Variants in STARD8 observed in about 807,000 individuals in gnomAD.
STARD8 encodes stAR-related lipid transfer protein 8.
In STARD8, 25 loss-of-function variants were observed where a neutral mutation model predicts 69.4. That is an observed-to-expected ratio of 0.36 (90% CI 0.26 to 0.50). The LOEUF is 0.50. STARD8 is among the 20% of genes least tolerant of loss of function. The pLI is 0.96. For synonymous variants in STARD8, 389 were observed against 374.6 expected, an observed-to-expected ratio of 1.04 and a Z score of -0.45; for missense variants, 921 against 932.5, an observed-to-expected ratio of 0.99 and a Z score of 0.16.
intron 3 of STARD8, among the ~76,000 whole-genome samples, chrX:68,714,442 A>T (rs767838351): frequency 1.8e-5 from 2 of 111,444 alleles, no homozygotes; most frequent in East Asian, 5.7e-4. Flanking sequence ...ATCTTTCAGG[A>T]CTCAGCTCGG....
chrX:68,681,112 AC>A (rs1211018974), intron 2 of STARD8, among the ~76,000 whole-genome samples: 21 of 111,434 alleles, frequency 1.9e-4, no homozygotes, highest in African/African-American at 6.2e-4. Flanking sequence ...CCATCCAGCA[AC>A]CCTTCTAAGA....
chrX:68,681,422 A>C (rs1027837886), intron 2 of STARD8, among the ~76,000 whole-genome samples: 2 of 112,417 alleles, frequency 1.8e-5, no homozygotes, highest in African/African-American at 6.5e-5. Context: ...TTACTTGCCA[A>C]AGGTTACACA....
intron 1 of STARD8, among the ~76,000 whole-genome samples, chrX:68,659,122 C>G (rs1315888659): frequency 8.9e-6 from 1 of 112,067 alleles, no homozygotes; most frequent in Non-Finnish European, 1.9e-5. Context: ...GTTTCCTTAC[C>G]TACAACATGA....
intron 3 of STARD8, among the ~76,000 whole-genome samples, chrX:68,714,740 G>C (rs1015396482): frequency 8.9e-6 from 1 of 112,208 alleles, no homozygotes; most frequent in Non-Finnish European, 1.9e-5. Flanking sequence ...GGAACAAATG[G>C]GCTTGCTTCA....
chrX:68,720,552 C>CAGAG, intron 8 of STARD8, 129 bp downstream of exon 8: 2 of 829,288 alleles, frequency 2.4e-6, no homozygotes, highest in Non-Finnish European at 3.3e-6. Flanking sequence ...GCTGGTCCAC[C>CAGAG]AGAGGCCTTT....
chrX:68,672,306 A>G (rs1262612085), intron 2 of STARD8, among the ~76,000 whole-genome samples: 2 of 111,957 alleles, frequency 1.8e-5, no homozygotes, highest in Admixed American at 1.9e-4. Context: ...TAGCTCATAC[A>G]GTCCAATGTT....
intron 2 of STARD8, among the ~76,000 whole-genome samples, chrX:68,677,837 A>ACCC (rs2079775640): frequency 2.8e-5 from 1 of 36,215 alleles, no homozygotes; most frequent in Non-Finnish European, 5.1e-5. Context: ...CATGCCCCCC[A>ACCC]CCCACCCCCC....
chrX:68,652,799 A>C (rs1602533370), intron 1 of STARD8, among the ~76,000 whole-genome samples: 1 of 51,520 alleles, frequency 1.9e-5, no homozygotes, highest in East Asian at 6.3e-4. Context: ...CACACACACC[A>C]CACACCACAC....
chrX:68,716,395 C>T lies in STARD8; in HGVS notation c.261C>T (p.Ala87=), dbSNP rs1455665093. Residue 87 remains alanine, a synonymous_variant, in exon 5 of 15, where the codon GCC becomes GCT. Transcript: ENST00000374599. The stretch of plus-strand genomic sequence containing the variant: ...GGCTGATGACCTTGAATAATTGTGC[C>T]TCGATGAAACTGGAGGTTCATTTTC... ...CRRLMTLNNC[A]SMKLEVHFQS... The T allele has an allele frequency of 8.3e-7, 1 of 1,208,681 alleles. No homozygotes were observed. Among genetic ancestry groups the T allele is most frequent in the Non-Finnish European group, 1.1e-6 (1 of 894,812 alleles).
chrX:68,661,865 CTTCT>C (rs1486020747), intron 1 of STARD8, among the ~76,000 whole-genome samples: 3 of 102,069 alleles, frequency 2.9e-5, no homozygotes, highest in African/African-American at 1.1e-4. Flanking sequence ...TTTGTTTTTC[CTTCT>C]TTCTTTCTTT....
intron 9 of STARD8, 85 bp downstream of exon 9, chrX:68,721,207 C>T: frequency 1.9e-6 from 2 of 1,061,672 alleles, no homozygotes; most frequent in East Asian, 3.0e-5. Flanking sequence ...AAACCTGGTG[C>T]AGGCAAATGT....
chrX:68,716,470 G>A, intron 5 of STARD8, 39 bp downstream of exon 5: 2 of 1,180,732 alleles, frequency 1.7e-6, no homozygotes, highest in Non-Finnish European at 2.3e-6. Flanking sequence ...GTCTTGTGGT[G>A]CCATAAGGAA....
chrX:68,665,456 G>T, intron 1 of STARD8, 43 bp from the exon 2 acceptor site: 2 of 1,186,330 alleles, frequency 1.7e-6, no homozygotes, highest in Non-Finnish European at 2.3e-6. Context: ...TTCAGATATT[G>T]CATCTCTGCA....
rs1190687827 is a variant in STARD8 at position 68,716,562 on chromosome X, A to C, written c.297+131A>C. ...GATGTCCAGAGCAGTGCCTTTCCCC[A>C]GCTAGGGGTAGAGATGGAGGAGATC... On this transcript the variant is annotated intron_variant, in intron 5 of 14. Transcript: ENST00000374599. 3 of 592,013 alleles carry C rather than the reference A, an allele frequency of 5.1e-6. No homozygotes were observed. The African/African-American group carries it at 6.8e-5, about 13-fold the overall frequency. 48.8% of individuals were successfully genotyped at this position (592,013 alleles called of 1,213,427 possible). A position where few individuals can be genotyped will look rare whatever the true frequency, so the allele number is the denominator to read the frequency against.
At chrX:68,716,564 C>A in intron 5 of STARD8, 133 bp downstream of exon 5, 1 of 598,675 alleles carries the variant, frequency 1.7e-6, no homozygotes, top group Non-Finnish European at 2.6e-6. Flanking sequence ...CTTTCCCCAG[C>A]TAGGGGTAGA....
intron 2 of STARD8, among the ~76,000 whole-genome samples, chrX:68,707,209 C>A (rs1028590087): frequency 8.9e-6 from 1 of 112,585 alleles, no homozygotes; most frequent in Non-Finnish European, 1.9e-5. Flanking sequence ...GAAGCTAAGT[C>A]AGGTAAAGGA....
intron 1 of STARD8, among the ~76,000 whole-genome samples, chrX:68,661,972 CTTTCTTTCTTTCTT>C (rs1267220143): frequency 0.05 from 1,791 of 36,134 alleles, 98 homozygotes; most frequent in African/African-American, 0.19. Context: ...CTCTCTCTCT[CTTTCTTTCTTTCTT>C]TCTTTCTTTC....
chrX:68,714,773 G>A (rs2080078289), intron 3 of STARD8, among the ~76,000 whole-genome samples: 1 of 112,196 alleles, frequency 8.9e-6, no homozygotes, highest in South Asian at 3.7e-4. Flanking sequence ...AGAGCTGTGA[G>A]ACTTCTCAGA....
At chrX:68,713,403 T>C (rs1222812278) in intron 3 of STARD8, among the ~76,000 whole-genome samples, 1 of 111,347 alleles carries the variant, frequency 9.0e-6, no homozygotes, top group Non-Finnish European at 1.9e-5. Flanking sequence ...TTTTCTAGAG[T>C]TCTTCGCACT....
Sources: allele counts gnomAD v4.1 joint callset (sites outside exome capture counted in the v4.1 genomes callset), GRCh38; gene constraint gnomAD v4.1.1; transcripts MANE v1.5; gene names NCBI Gene and HGNC (gene_info 2026-07-23, HGNC 2026-07-21).